CHID1: variants seen among roughly 807,000 people sequenced by gnomAD.
The protein encoded by CHID1 is chitinase domain-containing protein 1.
In CHID1, 44 loss-of-function variants were observed where a neutral mutation model predicts 55.4. The observed-to-expected ratio is 0.79, with a 90% CI of 0.62 to 1.02. The LOEUF (loss-of-function observed/expected upper bound fraction) is 1.02, where lower values mean the gene tolerates loss of function less well. Ranked by LOEUF, CHID1 falls within the 50% of genes least tolerant of loss-of-function variation. The pLI is 0.00. For synonymous variants in CHID1, 216 were observed against 212.9 expected (o/e 1.01, Z -0.13); for missense variants, 491 against 515.3 (o/e 0.95, Z 0.46).
intron 10 of CHID1, chr11:870,801 C>T (rs1849128245): frequency 3.0e-6 from 1 of 334,958 alleles, no homozygotes; most frequent in East Asian, 5.9e-5. Flanking sequence ...CTGAGGGTGA[C>T]CCTCAGGCCG....
intron 8 of CHID1, among the ~76,000 whole-genome samples, chr11:890,621 G>T (rs942789292): frequency 3.9e-5 from 6 of 152,248 alleles, no homozygotes; most frequent in Admixed American, 1.3e-4. Context: ...GCCAACTAGA[G>T]AGTGACCCAA....
chr11:910,919 G>T, upstream of CHID1: 1 of 814,434 alleles, frequency 1.2e-6, no homozygotes, highest in Non-Finnish European at 1.5e-6. Flanking sequence ...CAGGGGACTG[G>T]GCAGGGCTGC....
chr11:899,376 A>T lies in CHID1; in HGVS notation c.572T>A (p.Val191Glu). 1 of 1,604,956 alleles carries T rather than the reference A, an allele frequency of 6.2e-7. No individual in the cohort carries two copies. Among genetic ancestry groups the T allele is most frequent in the Non-Finnish European group, 8.5e-7 (1 of 1,175,764 alleles). ...AKNQHFDGFV[V>E]EVWNQLLSQK... ...GCTTAGCAGCTGGTTCCAGACCTCC[A>T]CCACGAAGCCATCGAAATGCTGGTT... Residue 191 changes from valine (V) to glutamate (E), a missense_variant, in exon 7 of 13, where the codon GTG becomes GAG. Val to Glu is a moderately radical substitution (Grantham distance 121). Coordinates refer to ENST00000323578, the MANE Select transcript of CHID1 (RefSeq NM_023947.4).
rs1200025624 is a variant in CHID1, at chr11:896,904, G to C, written c.608+2436C>G. Among the ~76,000 whole-genome samples, 2 of 83,588 alleles carry C rather than the reference G, an allele frequency of 2.4e-5. 1 individual carries two copies. Among genetic ancestry groups the C allele is most frequent in the African/African-American group, 1.0e-4 (2 of 19,794 alleles). 54.8% of individuals were successfully genotyped at this position (83,588 alleles called of 152,430 possible). A position where few individuals can be genotyped will look rare whatever the true frequency, so the allele number is the denominator to read the frequency against. On this transcript the variant is annotated intron_variant, in intron 7 of 12. Coordinates refer to ENST00000323578, the MANE Select transcript of CHID1 (RefSeq NM_023947.4). ...ACACGAGCCTGTCTCAGCACCCCCA[G>C]CCTCCACCCCAGACACGAGCCTGTC...
At chr11:911,641 C>A (rs377439246), upstream of CHID1, among the ~76,000 whole-genome samples, 8 of 152,196 alleles carry the variant, frequency 5.3e-5, no homozygotes, top group Non-Finnish European at 8.8e-5. Flanking sequence ...GAGCTTTCTC[C>A]TTAAACTAAG....
Position 869,571 on chromosome 11 carries a change from C to T in CHID1, c.*287G>A, listed in dbSNP as rs1849029606. On this transcript the variant is annotated 3_prime_UTR_variant, in exon 13 of 13. Transcript: ENST00000323578. ...CCCAGAAAGGCCTGAGCCAGGCTGT[C>T]CTGGTGGGGCAGGTACTGTGGGCCC... 1.9e-6 allele frequency: 1 copy of T among 539,570 alleles called. No individual in the cohort carries two copies. The highest frequency in any genetic ancestry group is 2.2e-5 in the South Asian group (1 of 45,194). The allele number at this position is 539,570 out of a possible 1,614,324, so 33.4% of individuals were successfully genotyped here.
At chr11:896,473 AC>A (rs1851304670) in intron 7 of CHID1, among the ~76,000 whole-genome samples, 1 of 101,842 alleles carries the variant, frequency 9.8e-6, no homozygotes, top group Non-Finnish European at 1.9e-5. Flanking sequence ...CTGTCTCAGC[AC>A]CCCCAGCCTC....
chr11:889,991 T>C (rs1850685068), intron 8 of CHID1, among the ~76,000 whole-genome samples: 1 of 152,022 alleles, frequency 6.6e-6, no homozygotes, highest in African/African-American at 2.4e-5. Flanking sequence ...CCCCTCACGA[T>C]GGCTGCTCTA....
chr11:894,600 C>T (rs900577658), intron 7 of CHID1, among the ~76,000 whole-genome samples: 1 of 152,200 alleles, frequency 6.6e-6, no homozygotes, highest in African/African-American at 2.4e-5. Context: ...CTGCAGGCCC[C>T]TGGGAGCAGC....
Position 869,438 on chromosome 11 carries a change from A to G in CHID1, c.*420T>C. ...TCTATCACTGCCAGGCCCTGGGGTG[A>G]TGCTGGGCAGAGCTGTCCCTGCGAG... On this transcript the variant is annotated 3_prime_UTR_variant, in exon 13 of 13. Coordinates refer to ENST00000323578, the MANE Select transcript of CHID1 (RefSeq NM_023947.4). 1 of 221,348 alleles carries G rather than the reference A, an allele frequency of 4.5e-6. No individual in the cohort carries two copies. Among genetic ancestry groups the G allele is most frequent in the South Asian group, 7.5e-5 (1 of 13,296 alleles). 13.7% of individuals were successfully genotyped at this position (221,348 alleles called of 1,614,324 possible).
intron 8 of CHID1, among the ~76,000 whole-genome samples, chr11:887,767 C>T (rs555830668): frequency 1.3e-5 from 2 of 152,320 alleles, no homozygotes; most frequent in Admixed American, 6.5e-5. Flanking sequence ...GAGCCGGGCT[C>T]GTGTGCCTCC....
At chr11:910,529 C>G (rs1341754921) in intron 1 of CHID1, 1 of 952,362 alleles carries the variant, frequency 1.1e-6, no homozygotes, top group African/African-American at 1.8e-5. Flanking sequence ...CCCGTCCACA[C>G]TCGCCCTCCA....
intron 8 of CHID1, among the ~76,000 whole-genome samples, chr11:888,658 G>A (rs1479522483): frequency 6.6e-6 from 1 of 152,250 alleles, no homozygotes; most frequent in Non-Finnish European, 1.5e-5. Flanking sequence ...AGGAAAGAAG[G>A]AAAAGGAGCT....
intron 7 of CHID1, among the ~76,000 whole-genome samples, chr11:897,512 G>A (rs1202066869): frequency 6.6e-6 from 1 of 152,194 alleles, no homozygotes; most frequent in African/African-American, 2.4e-5. Flanking sequence ...CACTGCCCAC[G>A]GCTCAGCAAG....
At chr11:896,956 CACA>C (rs10544732) in intron 7 of CHID1, among the ~76,000 whole-genome samples, 3 of 72,620 alleles carry the variant, frequency 4.1e-5, no homozygotes, top group Non-Finnish European at 5.0e-5. Flanking sequence ...CCACCCCAGA[CACA>C]ACGAGCCTGT....
At chr11:874,454 ACTCCAT>A (rs890323991) in intron 10 of CHID1, among the ~76,000 whole-genome samples, 3 of 151,984 alleles carry the variant, frequency 2.0e-5, no homozygotes, top group Non-Finnish European at 1.5e-5. Flanking sequence ...CAAGAGTGAA[ACTCCAT>A]CTCCAAAACA....
rs1316517914 is a variant in CHID1 at position 875,321 on chromosome 11, T to C, written c.960-4822A>G. On this transcript the variant is annotated intron_variant, in intron 10 of 12. Coordinates refer to ENST00000323578, the MANE Select transcript of CHID1 (RefSeq NM_023947.4). This position sits in a 1 kb window ranked among gnomAD's most constrained non-coding sequence, Gnocchi z 4.7. ...GGGCTGTCCTGTCTGAAATGTGGGA[T>C]CCAGCCATGTCCTGACCGGAGGCCC... Among the ~76,000 whole-genome samples, 1 of 152,182 alleles carries C rather than the reference T, an allele frequency of 6.6e-6. No homozygotes were observed. Among genetic ancestry groups the C allele is most frequent in the Admixed American group, 6.5e-5 (1 of 15,288 alleles).
upstream of CHID1, among the ~76,000 whole-genome samples, chr11:912,527 T>C (rs1852753172): frequency 6.6e-6 from 1 of 151,984 alleles, no homozygotes; most frequent in East Asian, 1.9e-4. Context: ...TTTGTGCCAA[T>C]GGGCCCCGTG....
At position 908,384 on chromosome 11, in the gene CHID1, C is replaced by T. The variant is rs567978780; in HGVS notation, c.-44+2391G>A. On this transcript the variant is annotated intron_variant, in intron 1 of 12. Transcript: ENST00000323578. ...CCAGCCCCTCTCCTCAGTGATACAT[C>T]CCAGAATCAGAACCAAGGGCAGCAG... 99 of 160,180 alleles carry T rather than the reference C, an allele frequency of 6.2e-4. 1 individual carries two copies. In the South Asian group the frequency reaches 7.5e-3, roughly 12 times the overall value. 9.9% of individuals were successfully genotyped at this position (160,180 alleles called of 1,614,324 possible).
Sources: allele counts gnomAD v4.1 joint callset (sites outside exome capture counted in the v4.1 genomes callset), GRCh38; gene constraint gnomAD v4.1.1; non-coding constraint Gnocchi (gnomAD v3.1); transcripts MANE v1.5; gene names NCBI Gene and HGNC (gene_info 2026-07-23, HGNC 2026-07-21).